The following UBE3D variants were observed in gnomAD, a reference collection of about 807,000 sequenced individuals.
The protein encoded by UBE3D is E3 ubiquitin-protein ligase E3D.
In UBE3D, 48 loss-of-function variants were observed where a neutral mutation model predicts 49.6. The ratio of observed to expected loss-of-function variants is 0.97; its 90% confidence interval spans 0.77 to 1.23. The LOEUF (loss-of-function observed/expected upper bound fraction) is 1.23, where lower values mean the gene tolerates loss of function less well. Ranked by LOEUF, UBE3D falls within the 50% of genes most tolerant of loss-of-function variation. The pLI, the probability that UBE3D is intolerant of heterozygous loss-of-function variation, is 0.00. For synonymous variants in UBE3D, 189 were observed against 174.2 expected (o/e 1.08, Z -0.67); for missense variants, 452 against 468.4 (o/e 0.96, Z 0.32).
At chr6:82,898,651 G>A (rs937134773) in intron 9 of UBE3D, among the ~76,000 whole-genome samples, 4 of 151,848 alleles carry the variant, frequency 2.6e-5, no homozygotes, top group African/African-American at 9.7e-5. Context: ...CACAGGGAGA[G>A]GAAGACCACA....
At chr6:82,998,825 C>G (rs1469584346) in intron 8 of UBE3D, among the ~76,000 whole-genome samples, 1 of 152,202 alleles carries the variant, frequency 6.6e-6, no homozygotes, top group Admixed American at 6.5e-5. Flanking sequence ...ACACAGTACT[C>G]TTTGCATGGG....
intron 9 of UBE3D, among the ~76,000 whole-genome samples, chr6:82,927,434 T>C (rs1005967438): frequency 2.0e-5 from 3 of 152,148 alleles, no homozygotes; most frequent in African/African-American, 4.8e-5. Flanking sequence ...ATGGAATCTA[T>C]GGGTTGGGAA....
At chr6:83,053,438 C>T (rs1783600913) in intron 3 of UBE3D, among the ~76,000 whole-genome samples, 1 of 152,150 alleles carries the variant, frequency 6.6e-6, no homozygotes, top group Admixed American at 6.6e-5. Flanking sequence ...ATCTGTCTCT[C>T]CAGCTGATGA....
At chr6:82,994,721 T>G (rs1779123698) in intron 8 of UBE3D, among the ~76,000 whole-genome samples, 1 of 152,076 alleles carries the variant, frequency 6.6e-6, no homozygotes, top group Non-Finnish European at 1.5e-5. Context: ...CATAATAGGT[T>G]GGATGTGGGG....
intron 8 of UBE3D, among the ~76,000 whole-genome samples, chr6:83,005,229 GAT>G (rs927466816): frequency 1.3e-5 from 2 of 151,666 alleles, no homozygotes; most frequent in African/African-American, 4.9e-5. Flanking sequence ...AACACGAAAG[GAT>G]ACTCGATATC....
chr6:82,903,154 A>G (rs982047771), intron 9 of UBE3D, among the ~76,000 whole-genome samples: 1 of 151,788 alleles, frequency 6.6e-6, no homozygotes, highest in African/African-American at 2.4e-5. Flanking sequence ...TGATGCACGC[A>G]TTCTTTTTTT....
chr6:82,961,623 G>A (rs1042418956), intron 8 of UBE3D, among the ~76,000 whole-genome samples: 9 of 152,174 alleles, frequency 5.9e-5, no homozygotes, highest in Non-Finnish European at 2.9e-5. Flanking sequence ...CAAACCATAA[G>A]TAGGAATTTA....
chr6:82,946,942 T>A (rs1268363576), intron 9 of UBE3D, among the ~76,000 whole-genome samples: 2 of 149,100 alleles, frequency 1.3e-5, no homozygotes, highest in Admixed American at 6.7e-5. Flanking sequence ...AATTAAATCA[T>A]ACCACCAGAG....
intron 9 of UBE3D, among the ~76,000 whole-genome samples, chr6:82,930,365 C>T (rs1173431732): frequency 2.6e-5 from 4 of 152,084 alleles, no homozygotes; most frequent in Admixed American, 1.3e-4. Context: ...GGTAGTGAGG[C>T]GCTGCTGTAA....
chr6:82,901,834 C>G (rs1331309721), intron 9 of UBE3D, among the ~76,000 whole-genome samples: 1 of 152,144 alleles, frequency 6.6e-6, no homozygotes, highest in African/African-American at 2.4e-5. Context: ...AGCCTGGGCC[C>G]ACTGTTGACA....
At chr6:82,903,945 G>A (rs926134985) in intron 9 of UBE3D, among the ~76,000 whole-genome samples, 2 of 152,098 alleles carry the variant, frequency 1.3e-5, no homozygotes, top group Admixed American at 6.6e-5. Flanking sequence ...GGCAAAGGGC[G>A]TTCTTTTATA....
intron 8 of UBE3D, among the ~76,000 whole-genome samples, chr6:83,012,444 A>G (rs1328452448): frequency 1.3e-5 from 2 of 152,184 alleles, no homozygotes; most frequent in Non-Finnish European, 1.5e-5. Flanking sequence ...GTGAAAGTCC[A>G]TGTTGCTGAG....
In UBE3D at chr6:83,019,141, A is replaced by C; in HGVS notation, c.847-5T>G. 1 of 1,608,262 alleles carries C rather than the reference A, an allele frequency of 6.2e-7. No individual in the cohort carries two copies. Among genetic ancestry groups the C allele is most frequent in the East Asian group, 2.2e-5 (1 of 44,770 alleles). On this transcript the variant is annotated splice_region_variant and splice_polypyrimidine_tract_variant and intron_variant, in intron 7 of 9. Coordinates refer to ENST00000369747, the MANE Select transcript of UBE3D (RefSeq NM_198920.3). ...GTCTGAATTTAAAAGCCATAGCTAA[A>C]GATGTGAAGAGAAAGTCCAAGTATA...
chr6:82,972,049 A>G (rs182831338), intron 8 of UBE3D, among the ~76,000 whole-genome samples: 1 of 152,308 alleles, frequency 6.6e-6, no homozygotes, highest in African/African-American at 2.4e-5. Flanking sequence ...GTTTCAGCAG[A>G]AAAGAGAGAG....
chr6:83,019,159 C>A, intron 7 of UBE3D, 23 bp from the exon 8 acceptor site: 1 of 1,597,848 alleles, frequency 6.3e-7, no homozygotes, highest in South Asian at 1.1e-5. Flanking sequence ...AGAGAAAGTC[C>A]AAGTATAAGA....
At chr6:82,941,078 C>T (rs181908420) in intron 9 of UBE3D, among the ~76,000 whole-genome samples, 39 of 151,920 alleles carry the variant, frequency 2.6e-4, no homozygotes, top group Admixed American at 9.2e-4. Flanking sequence ...CCGGGTGTGG[C>T]GTCTGTAATC....
At chr6:82,909,093 CCT>C (rs1772316193) in intron 9 of UBE3D, among the ~76,000 whole-genome samples, 1 of 152,130 alleles carries the variant, frequency 6.6e-6, no homozygotes, top group African/African-American at 2.4e-5. Context: ...AGGGGTTACC[CCT>C]GTCCCACAGG....
chr6:82,905,200 T>A (rs1047255043), intron 9 of UBE3D, among the ~76,000 whole-genome samples: 2 of 152,228 alleles, frequency 1.3e-5, no homozygotes, highest in African/African-American at 4.8e-5. Context: ...CAGCATTTTT[T>A]ACAAATTGAA....
At chr6:82,905,486 G>A (rs887394035) in intron 9 of UBE3D, among the ~76,000 whole-genome samples, 6 of 152,208 alleles carry the variant, frequency 3.9e-5, no homozygotes, top group Non-Finnish European at 7.4e-5. Context: ...CCGTTACCCT[G>A]TCTTTCTCCC....
Sources: gnomAD v4.1 joint callset for allele counts (sites outside exome capture counted in the v4.1 genomes callset) on GRCh38, gnomAD v4.1.1 for gene constraint, MANE v1.5 for transcripts, NCBI Gene and HGNC (gene_info 2026-07-23, HGNC 2026-07-21) for gene names.